Variants in MED13 observed in about 807,000 individuals in gnomAD.
MED13 encodes the protein mediator complex subunit 13, also known as mediator of RNA polymerase II transcription subunit 13.
MED13 carries 23 observed loss-of-function variants against 225.2 expected under a neutral mutation model. The observed-to-expected ratio is 0.10, with a 90% CI of 0.07 to 0.14. The LOEUF (loss-of-function observed/expected upper bound fraction) is 0.14, where lower values mean the gene tolerates loss of function less well. Among genes scored for constraint, MED13 ranks in the 10% least tolerant of loss-of-function variants. MED13 has a pLI of 1.00. For synonymous variants in MED13, 942 were observed against 889.2 expected (o/e 1.06, Z -1.06); for missense variants, 2,197 against 2,594.5 (o/e 0.85, Z 3.33).
Position 61,944,316 on chromosome 17 carries a change from G to C in MED13, c.*2152C>G, listed in dbSNP as rs1413152985. The C allele has an allele frequency of 6.6e-6, 1 of 151,552 alleles. No homozygotes were observed. Among genetic ancestry groups the C allele is most frequent in the South Asian group, 2.1e-4 (1 of 4,798 alleles). 9.4% of individuals were successfully genotyped at this position (151,552 alleles called of 1,614,324 possible). On this transcript the variant is annotated 3_prime_UTR_variant, in exon 30 of 30. Coordinates refer to ENST00000397786, the MANE Select transcript of MED13 (RefSeq NM_005121.3). ...AAGTCACTATTAAGTGTATAAAAAG[G>C]ATACTCTTTTTATGGAAATTCCAAA...
At chr17:61,985,709 G>T (rs2080241762) in intron 12 of MED13, among the ~76,000 whole-genome samples, 1 of 151,964 alleles carries the variant, frequency 6.6e-6, no homozygotes. Flanking sequence ...AATAAGAAGG[G>T]GTTGTAATTA....
chr17:62,004,026 A>T (rs927380762), intron 9 of MED13: 1 of 152,218 alleles, frequency 6.6e-6, no homozygotes, highest in Non-Finnish European at 1.5e-5. Flanking sequence ...AGCTCTTATG[A>T]ATACAATGTG....
chr17:61,965,253 A>C lies in MED13; in HGVS notation c.4597T>G (p.Leu1533Val). ...GAAGATGAAGTTGAAGCTGTGGTCA[A>C]AGTTGAATTAGCTGTGGCAACTGAA... is the stretch of plus-strand genomic sequence containing the variant. The part of the protein sequence containing the change: ...STSVATANST[L>V]TTASTSSSSS... Residue 1533 changes from leucine to valine, a missense_variant, in exon 20 of 30, where the codon TTG (leucine) becomes GTG (valine). Physicochemically the swap from Leu to Val is conservative, Grantham distance 32. Transcript: ENST00000397786. The C allele has an allele frequency of 1.9e-6, 3 of 1,614,146 alleles. No individual in the cohort carries two copies. Among genetic ancestry groups the C allele is most frequent in the Non-Finnish European group, 2.5e-6 (3 of 1,179,970 alleles).
At position 61,955,552 on chromosome 17, in the gene MED13, C is replaced by A; in HGVS notation, c.5798G>T (p.Gly1933Val). Reference protein sequence around the residue: ...FVIMPDSVSTGSVFGRSTTLN... With the variant: ...FVIMPDSVSTVSVFGRSTTLN... ...AGTCGTGCTTCTTCCAAATACAGAA[C>A]CAGTTGACACAGAATCTGAAAATGA... is the stretch of plus-strand genomic sequence containing the variant. The change falls in exon 26 of 30, where the codon GGT becomes GTT. Residue 1933 changes from glycine (G) to valine (V), a missense_variant. Transcript: ENST00000397786. 6.4e-7 allele frequency: 1 copy of A among 1,560,134 alleles called. No individual in the cohort carries two copies. The highest frequency in any genetic ancestry group is 2.3e-5 in the East Asian group (1 of 44,322).
chr17:61,954,669 C>CAG (rs2079926391), intron 26 of MED13, among the ~76,000 whole-genome samples: 1 of 152,060 alleles, frequency 6.6e-6, no homozygotes, highest in African/African-American at 2.4e-5. Flanking sequence ...CCCAGCTACT[C>CAG]GAGAAGCTGA....
At position 61,962,802 on chromosome 17, in the gene MED13, C is replaced by G. The variant is rs2080013635; in HGVS notation, c.5014G>C (p.Glu1672Gln). 1 of 1,614,020 alleles carries G rather than the reference C, an allele frequency of 6.2e-7. No homozygotes were observed. The highest frequency in any genetic ancestry group is 1.3e-5 in the African/African-American group (1 of 74,912). ...TGAGGAGGAAGAGTCTGGACCATTTCTAGAAAGCATCGAAGTAGCCCCAAT... is the reference window on the plus strand; with the variant it reads ...TGAGGAGGAAGAGTCTGGACCATTTGTAGAAAGCATCGAAGTAGCCCCAAT... ...WTLGLLRCFL[E>Q]MVQTLPPHIK... is the part of the protein sequence containing the mutation. The change falls in exon 21 of 30, where the codon GAA becomes CAA. Residue 1672 changes from glutamate (E) to glutamine (Q), a missense_variant. By Grantham distance (29) the Glu-to-Gln change is conservative (BLOSUM62 2). Transcript: ENST00000397786.
intron 8 of MED13, among the ~76,000 whole-genome samples, chr17:62,018,742 G>A (rs2080607627): frequency 6.6e-6 from 1 of 151,240 alleles, no homozygotes; most frequent in Non-Finnish European, 1.5e-5. Flanking sequence ...GTATACTGAA[G>A]GATGCATACG....
At chr17:62,037,846 T>G (rs2080817980) in intron 3 of MED13, among the ~76,000 whole-genome samples, 1 of 147,552 alleles carries the variant, frequency 6.8e-6, no homozygotes, top group African/African-American at 2.5e-5. Flanking sequence ...TCCCAGTTAC[T>G]AAGGAGGCTG....
intron 2 of MED13, 86 bp downstream of exon 2, chr17:62,062,981 A>T (rs1458730685): frequency 9.7e-7 from 1 of 1,032,004 alleles, no homozygotes. Flanking sequence ...CCACAAAAAC[A>T]AACTTAATTT....
chr17:62,058,877 T>C (rs945253991), intron 2 of MED13, among the ~76,000 whole-genome samples: 1 of 152,264 alleles, frequency 6.6e-6, no homozygotes, highest in Non-Finnish European at 1.5e-5. Flanking sequence ...CGTGATTTGC[T>C]GTAACTGATC....
rs73336434 is a variant in MED13, at chr17:62,040,317, C to T, written c.471-4709G>A. ...GGATTGCAGAGAATACTGTTGCTCT[C>T]CATGAGCTCACACTACAATATCTAA... On this transcript the variant is annotated intron_variant, in intron 3 of 29. Transcript: ENST00000397786. Among the ~76,000 whole-genome samples, 580 of 152,218 alleles carry T rather than the reference C, an allele frequency of 3.8e-3. 4 individuals carry two copies. The highest frequency in any genetic ancestry group is 0.013 in the African/African-American group (544 of 41,546).
At position 61,965,375 on chromosome 17, in the gene MED13, T is replaced by C; in HGVS notation, c.4475A>G (p.Gln1492Arg). 1 of 1,614,200 alleles carries C rather than the reference T, an allele frequency of 6.2e-7. No individual in the cohort carries two copies. Among genetic ancestry groups the C allele is most frequent in the African/African-American group, 1.3e-5 (1 of 75,054 alleles). Reference sequence around the variant, plus strand: ...ATTAGCATTTCCAGTATTTGTCATCTGAGGTGGAGTAATCAAAGACTGACT... The same window carrying C: ...ATTAGCATTTCCAGTATTTGTCATCCGAGGTGGAGTAATCAAAGACTGACT... The part of the protein sequence containing the change: ...PTSQSLITPP[Q>R]MTNTGNANTP... Residue 1492 changes from glutamine to arginine, a missense_variant, in exon 20 of 30, where the codon CAG (glutamine) becomes CGG (arginine). Physicochemically the swap from Gln to Arg is conservative, Grantham distance 43. Coordinates refer to ENST00000397786, the MANE Select transcript of MED13 (RefSeq NM_005121.3).
At chr17:62,025,089 G>A (rs572578733) in intron 8 of MED13, among the ~76,000 whole-genome samples, 16 of 152,154 alleles carry the variant, frequency 1.1e-4, no homozygotes, top group African/African-American at 3.9e-4. Flanking sequence ...TTTGGGAAAA[G>A]CTTACTTACA....
intron 16 of MED13, among the ~76,000 whole-genome samples, chr17:61,980,755 A>G (rs1027182310): frequency 6.6e-6 from 1 of 151,984 alleles, no homozygotes; most frequent in African/African-American, 2.4e-5. Context: ...TTTTCCACAC[A>G]ATAGCAACAG....
chr17:62,029,936 G>A lies in MED13; in HGVS notation c.1087C>T (p.His363Tyr), dbSNP rs1422817629. 1 of 1,613,762 alleles carries A rather than the reference G, an allele frequency of 6.2e-7. No individual in the cohort carries two copies. The highest frequency in any genetic ancestry group is 1.3e-5 in the African/African-American group (1 of 74,868). Residue 363 changes from histidine to tyrosine, a missense_variant, in exon 7 of 30, where the codon CAT (histidine) becomes TAT (tyrosine). Transcript: ENST00000397786. Reference sequence around the variant, plus strand: ...AATTTTCTGGGTATTTTCCCACCATGGTGGCTAGTACTATCGGAGTTGAAG... The same window carrying A: ...AATTTTCTGGGTATTTTCCCACCATAGTGGCTAGTACTATCGGAGTTGAAG... ...DGFNSDSTSH[H>Y]GGKIPRKLAN...
At chr17:61,993,200 CTTTTT>C (rs964200883) in intron 10 of MED13, among the ~76,000 whole-genome samples, 1 of 107,688 alleles carries the variant, frequency 9.3e-6, no homozygotes, top group Non-Finnish European at 1.7e-5. Flanking sequence ...TTCTTTCTTT[CTTTTT>C]TTTTTTTTTT....
chr17:61,969,921 A>G (rs2143395673), intron 17 of MED13, among the ~76,000 whole-genome samples: 1 of 152,262 alleles, frequency 6.6e-6, no homozygotes, highest in African/African-American at 2.4e-5. Flanking sequence ...ACCATAATAA[A>G]AAAATTTTTA....
In MED13 at chr17:61,965,274, C is replaced by G. The variant is rs748648895; in HGVS notation, c.4576G>C (p.Val1526Leu). 6.2e-7 allele frequency: 1 copy of G among 1,614,114 alleles called. No individual in the cohort carries two copies. The highest frequency in any genetic ancestry group is 8.5e-7 in the Non-Finnish European group (1 of 1,180,038). ...VTSGVAISTS[V>L]ATANSTLTTA... is the part of the protein sequence containing the mutation. Reference sequence around the variant, plus strand: ...GTCAAAGTTGAATTAGCTGTGGCAACTGAAGTAGATATGGCAACACCTGAA... The same window carrying G: ...GTCAAAGTTGAATTAGCTGTGGCAAGTGAAGTAGATATGGCAACACCTGAA... Residue 1526 changes from valine (V) to leucine (L), a missense_variant, in exon 20 of 30, where the codon GTT (valine) becomes CTT (leucine). This residue lies in a region of MED13 where 457 missense variants were observed against 442.2 expected (regional missense o/e 1.03). Transcript: ENST00000397786.
At chr17:61,989,608 G>T (rs893165346) in intron 11 of MED13, among the ~76,000 whole-genome samples, 1 of 152,338 alleles carries the variant, frequency 6.6e-6, no homozygotes, top group Non-Finnish European at 1.5e-5. Flanking sequence ...AAAGTGCTCG[G>T]ATTACAGGCA....
Sources: allele counts gnomAD v4.1 joint callset (sites outside exome capture counted in the v4.1 genomes callset), GRCh38; gene constraint gnomAD v4.1.1; regional missense constraint gnomAD v4.1.1; transcripts MANE v1.5; gene names NCBI Gene and HGNC (gene_info 2026-07-23, HGNC 2026-07-21).